Variants in SMIM13 observed in about 807,000 individuals in gnomAD.
The protein encoded by SMIM13 is small integral membrane protein 13.
In SMIM13, 3 loss-of-function variants were observed where a neutral mutation model predicts 5.9. The observed-to-expected ratio is 0.51, with a 90% CI of 0.23 to 1.31. The LOEUF (loss-of-function observed/expected upper bound fraction) is 1.31. Ranked by LOEUF, SMIM13 falls within the 40% of genes most tolerant of loss-of-function variation. The probability of loss-of-function intolerance (pLI) is 0.18; values close to 1 mark genes in which losing one functional copy is unlikely to be tolerated. For missense variants in SMIM13, 85 were observed against 109.9 expected, an observed-to-expected ratio of 0.77 and a Z score of 1.01; for synonymous variants, 55 against 46.0, an observed-to-expected ratio of 1.19 and a Z score of -0.79.
chr6:11,113,348 T>C (rs1268782248), intron 1 of SMIM13, among the ~76,000 whole-genome samples: 1 of 152,266 alleles, frequency 6.6e-6, no homozygotes, highest in East Asian at 1.9e-4. Context: ...ATTATGCTTT[T>C]GATTTTTGTT....
chr6:11,120,753 A>G (rs993779345), intron 1 of SMIM13, among the ~76,000 whole-genome samples: 20 of 152,198 alleles, frequency 1.3e-4, no homozygotes, highest in Non-Finnish European at 5.9e-5. Flanking sequence ...TTCCAATGTC[A>G]TGAGTCACTG....
At chr6:11,115,633 G>T (rs1758226658) in intron 1 of SMIM13, among the ~76,000 whole-genome samples, 1 of 151,794 alleles carries the variant, frequency 6.6e-6, no homozygotes, top group South Asian at 2.1e-4. Context: ...CTAATAAAGG[G>T]ATTAACTATC....
intron 1 of SMIM13, among the ~76,000 whole-genome samples, chr6:11,112,345 G>A (rs1028876713): frequency 6.6e-6 from 1 of 151,716 alleles, no homozygotes; most frequent in South Asian, 2.1e-4. Context: ...TCCACCTCCC[G>A]GGTTCAAGTG....
At chr6:11,103,771 G>A (rs1324358629) in intron 1 of SMIM13, 27 of 1,551,562 alleles carry the variant, frequency 1.7e-5, no homozygotes, top group Middle Eastern at 1.7e-4. Context: ...GCCTGAAGGC[G>A]AGAGGAGACA....
At chr6:11,104,679 T>C (rs1561752822) in intron 1 of SMIM13, 1 of 1,614,196 alleles carries the variant, frequency 6.2e-7, no homozygotes, top group Non-Finnish European at 8.5e-7. Context: ...TTGGTTATAA[T>C]CAGCAGGCCG....
intron 1 of SMIM13, chr6:11,104,684 A>C: frequency 6.2e-7 from 1 of 1,614,264 alleles, no homozygotes; most frequent in Non-Finnish European, 8.5e-7. Context: ...TATAATCAGC[A>C]GGCCGGAACC....
Position 11,121,134 on chromosome 6 carries a change from C to T in SMIM13, c.77-13269C>T, listed in dbSNP as rs143886410. Among the ~76,000 whole-genome samples the T allele has an allele frequency of 1.2e-3, 176 of 152,306 alleles. 1 individual carries two copies. The highest frequency in any genetic ancestry group is 6.8e-3 in the Middle Eastern group (2 of 294). ...TGATTAGTTATTCTGGCATACAATG[C>T]GATACTGAAGCAAGACATAAACTTC... is the stretch of plus-strand genomic sequence containing the variant. On this transcript the variant is annotated intron_variant, in intron 1 of 1. Transcript: ENST00000416247.
At chr6:11,103,850 T>C (rs1472733210) in intron 1 of SMIM13, 1 of 1,551,684 alleles carries the variant, frequency 6.4e-7, no homozygotes, top group Non-Finnish European at 8.7e-7. Context: ...CAAGTGGGCC[T>C]GTAAGGGGAA....
chr6:11,095,485 G>A (rs188468137), intron 1 of SMIM13, among the ~76,000 whole-genome samples: 4 of 152,176 alleles, frequency 2.6e-5, no homozygotes, highest in South Asian at 4.1e-4. Context: ...AGCTGTAGCC[G>A]GGATTACAGG....
intron 1 of SMIM13, among the ~76,000 whole-genome samples, chr6:11,131,402 ATT>A (rs532571536): frequency 1.6e-4 from 23 of 142,602 alleles, no homozygotes; most frequent in Admixed American, 1.4e-4. Flanking sequence ...TCTTGATGCC[ATT>A]TTTTTTTTTT....
Position 11,136,074 on chromosome 6 carries a change from C to T in SMIM13, c.*1472C>T, listed in dbSNP as rs1334988082. 6.6e-6 allele frequency: 1 copy of T among 152,140 alleles called. No individual in the cohort carries two copies. The highest frequency in any genetic ancestry group is 6.6e-5 in the Admixed American group (1 of 15,266). The allele number at this position is 152,140 out of a possible 1,614,324, so 9.4% of individuals were successfully genotyped here. A position where few individuals can be genotyped will look rare whatever the true frequency, so the allele number is the denominator to read the frequency against. ...GGGTAGTAACTTAGGAATCTAAGAA[C>T]TATCTTCTACTTTAGGAAGAGTGGG... On this transcript the variant is annotated 3_prime_UTR_variant, in exon 2 of 2. Transcript: ENST00000416247.
At chr6:11,107,053 G>A (rs1758096037) in intron 1 of SMIM13, among the ~76,000 whole-genome samples, 1 of 152,194 alleles carries the variant, frequency 6.6e-6, no homozygotes, top group South Asian at 2.1e-4. Flanking sequence ...GTAATTTGTT[G>A]AAGGGACATT....
chr6:11,108,359 T>A (rs1327320177), intron 1 of SMIM13, among the ~76,000 whole-genome samples: 1 of 152,184 alleles, frequency 6.6e-6, no homozygotes, highest in Non-Finnish European at 1.5e-5. Flanking sequence ...TGTTATTTAA[T>A]CCAGGAGCCA....
intron 1 of SMIM13, among the ~76,000 whole-genome samples, chr6:11,126,408 G>A (rs1758378030): frequency 6.6e-6 from 1 of 152,222 alleles, no homozygotes; most frequent in Non-Finnish European, 1.5e-5. Context: ...TGCTTGATCA[G>A]TTCTGCTGTG....
rs529761610 is a variant in SMIM13, at chr6:11,137,202, G to A, written c.*2600G>A. 2.0e-5 allele frequency: 3 copies of A among 152,150 alleles called. No individual in the cohort carries two copies. In the South Asian group the frequency reaches 6.2e-4, roughly 32 times the overall value. The allele number at this position is 152,150 out of a possible 1,614,324, so 9.4% of individuals were successfully genotyped here. A position where few individuals can be genotyped will look rare whatever the true frequency, so the allele number is the denominator to read the frequency against. ...AATATACCTAAAAGCATACTAGTTA[G>A]CTCTTAGACTCTCACTTAGGGAGGG... is the stretch of plus-strand genomic sequence containing the variant. On this transcript the variant is annotated 3_prime_UTR_variant, in exon 2 of 2. Transcript: ENST00000416247.
Position 11,104,541 on chromosome 6 carries a change from A to G in SMIM13, c.76+10152A>G, listed in dbSNP as rs760745944. The G allele has an allele frequency of 2.5e-5, 39 of 1,586,220 alleles. No homozygotes were observed. Among genetic ancestry groups the G allele is most frequent in the Non-Finnish European group, 3.2e-5 (37 of 1,165,392 alleles). ...GCTGGTGGCTATAGTCATGCCTGCT[A>G]AGACTTGGACGCAGGGTGTTTGGCT... On this transcript the variant is annotated intron_variant, in intron 1 of 1. Coordinates refer to ENST00000416247, the MANE Select transcript of SMIM13 (RefSeq NM_001135575.2).
intron 1 of SMIM13, among the ~76,000 whole-genome samples, chr6:11,124,016 TTC>T (rs1561758913): frequency 6.6e-6 from 1 of 152,348 alleles, no homozygotes; most frequent in East Asian, 1.9e-4. Context: ...TTCTTTTATT[TTC>T]TTTTAGTTAT....
intron 1 of SMIM13, among the ~76,000 whole-genome samples, chr6:11,112,991 A>G (rs1050256071): frequency 6.6e-6 from 1 of 151,380 alleles, no homozygotes; most frequent in Admixed American, 6.6e-5. Flanking sequence ...TTATTTTATT[A>G]TATATTTTTT....
rs149095221 is a variant in SMIM13, at chr6:11,128,821, A to G, written c.77-5582A>G. 1.9e-3 allele frequency among the ~76,000 whole-genome samples: 293 copies of G among 152,140 alleles called. 2 individuals carry two copies. Among genetic ancestry groups the G allele is most frequent in the African/African-American group, 6.8e-3 (283 of 41,482 alleles). Reference sequence around the variant, plus strand: ...CTATGACAGGACAGCACTGAGTTTCAGTGCAGAGTCCCATAATAATCACTG... The same window carrying G: ...CTATGACAGGACAGCACTGAGTTTCGGTGCAGAGTCCCATAATAATCACTG... On this transcript the variant is annotated intron_variant, in intron 1 of 1. Coordinates refer to ENST00000416247, the MANE Select transcript of SMIM13 (RefSeq NM_001135575.2).
Sources: allele counts gnomAD v4.1 joint callset (sites outside exome capture counted in the v4.1 genomes callset), GRCh38; gene constraint gnomAD v4.1.1; transcripts MANE v1.5; gene names NCBI Gene and HGNC (gene_info 2026-07-23, HGNC 2026-07-21).